The following PNLIPRP3 variants were observed in gnomAD, a reference collection of about 807,000 sequenced individuals.
The protein encoded by PNLIPRP3 is pancreatic lipase-related protein 3.
A neutral mutation model predicts 52.8 loss-of-function variants in PNLIPRP3; 58 were observed. That is an observed-to-expected ratio of 1.10 (90% CI 0.89 to 1.37). PNLIPRP3 has a LOEUF of 1.37. Ranked by LOEUF, PNLIPRP3 falls within the 40% of genes most tolerant of loss-of-function variation. The pLI is 0.00. For synonymous variants in PNLIPRP3, 192 were observed against 185.0 expected, an observed-to-expected ratio of 1.04 and a Z score of -0.31; for missense variants, 593 against 561.6, an observed-to-expected ratio of 1.06 and a Z score of -0.57.
intron 1 of PNLIPRP3, among the ~76,000 whole-genome samples, chr10:116,432,423 G>C (rs1845719484): frequency 6.6e-6 from 1 of 152,046 alleles, no homozygotes; most frequent in Admixed American, 6.6e-5. Flanking sequence ...GGGAAATAAA[G>C]CATTTCAACT....
chr10:116,462,434 T>A (rs1424668031), intron 7 of PNLIPRP3, among the ~76,000 whole-genome samples: 2 of 151,858 alleles, frequency 1.3e-5, no homozygotes, highest in Non-Finnish European at 2.9e-5. Context: ...TGCTCTTTCA[T>A]TTGGCTGTTG....
chr10:116,439,499 ATCC>A, intron 2 of PNLIPRP3: 1 of 742,652 alleles, frequency 1.3e-6, no homozygotes, highest in Non-Finnish European at 2.4e-6. Flanking sequence ...CGTCTTCTTC[ATCC>A]TCCTCTTCCA....
intron 5 of PNLIPRP3, among the ~76,000 whole-genome samples, chr10:116,458,140 G>A (rs775933301): frequency 2.6e-5 from 4 of 151,628 alleles, no homozygotes; most frequent in Non-Finnish European, 5.9e-5. Flanking sequence ...AATAAATATA[G>A]TTAGGGGGTT....
At chr10:116,428,135 A>G in intron 1 of PNLIPRP3, 74 bp downstream of exon 1, 1 of 1,087,432 alleles carries the variant, frequency 9.2e-7, no homozygotes, top group Non-Finnish European at 1.3e-6. Context: ...ATTGACATGA[A>G]CTTATTCTTT....
At position 116,443,279 on chromosome 10, in the gene PNLIPRP3, A is replaced by G. The variant is rs1045030155; in HGVS notation, c.324+105A>G. On this transcript the variant is annotated intron_variant, in intron 3 of 11. Coordinates refer to ENST00000369230, the MANE Select transcript of PNLIPRP3 (RefSeq NM_001011709.3). ...GTATATTCATGGAAATCTTCCATTC[A>G]GTTATCCACAATTATCCGTGTTCTG... 2.5e-5 allele frequency: 30 copies of G among 1,213,186 alleles called. 1 individual carries two copies. The highest frequency in any genetic ancestry group is 3.1e-5 in the Non-Finnish European group (28 of 908,576). 75.2% of individuals were successfully genotyped at this position (1,213,186 alleles called of 1,614,324 possible). A position where few individuals can be genotyped will look rare whatever the true frequency, so the allele number is the denominator to read the frequency against.
At chr10:116,442,621 T>G (rs2133119162) in intron 2 of PNLIPRP3, among the ~76,000 whole-genome samples, 1 of 152,238 alleles carries the variant, frequency 6.6e-6, no homozygotes, top group East Asian at 1.9e-4. Flanking sequence ...CCCAGCAACT[T>G]GGGAGGCTGA....
At chr10:116,455,636 T>TC in intron 4 of PNLIPRP3, 86 bp from the exon 5 acceptor site, 4 of 765,264 alleles carry the variant, frequency 5.2e-6, no homozygotes, top group Non-Finnish European at 7.8e-6. Flanking sequence ...ACCATGTTGA[T>TC]CCTTTTTTTT....
intron 1 of PNLIPRP3, among the ~76,000 whole-genome samples, chr10:116,431,022 T>C (rs1845702738): frequency 6.6e-6 from 1 of 152,202 alleles, no homozygotes; most frequent in Non-Finnish European, 1.5e-5. Flanking sequence ...TCACAATTAA[T>C]GGCCTTCCAG....
chr10:116,459,291 A>G (rs1184435010), intron 5 of PNLIPRP3, among the ~76,000 whole-genome samples: 1 of 151,892 alleles, frequency 6.6e-6, no homozygotes. Context: ...TAAAAAAAAA[A>G]AAAAACACAT....
At chr10:116,433,846 AAC>A (rs1358008577) in intron 1 of PNLIPRP3, among the ~76,000 whole-genome samples, 11 of 151,570 alleles carry the variant, frequency 7.3e-5, no homozygotes, top group Admixed American at 6.6e-4. Context: ...GCCAAAGGAT[AAC>A]ATGAGCAAGA....
At chr10:116,444,856 A>C (rs998217042) in intron 4 of PNLIPRP3, among the ~76,000 whole-genome samples, 1 of 152,210 alleles carries the variant, frequency 6.6e-6, no homozygotes, top group East Asian at 1.9e-4. Context: ...TCCTTCAAAT[A>C]TTATTTGTTT....
chr10:116,461,207 A>G lies in PNLIPRP3; in HGVS notation c.725A>G (p.Tyr242Cys). Reference protein sequence around the residue: ...TIDACGHLDFYPNGGKHMPGC... With the variant: ...TIDACGHLDFCPNGGKHMPGC... ...GATGCTTGTGGTCATCTTGACTTTT[A>G]CCCAAATGGAGGGAAGCACATGCCA... The change falls in exon 7 of 12, where the codon TAC becomes TGC. Residue 242 changes from tyrosine to cysteine, a missense_variant. Transcript: ENST00000369230. 6.2e-7 allele frequency: 1 copy of G among 1,613,968 alleles called. No homozygotes were observed.
Position 116,461,177 on chromosome 10 carries a change from C to T in PNLIPRP3, c.695C>T (p.Thr232Ile), listed in dbSNP as rs149530976. ...TTTTTATTTATTTCAGGTGTTGGAA[C>T]CATTGATGCTTGTGGTCATCTTGAC... is the stretch of plus-strand genomic sequence containing the variant. ...ARILFELGVGTIDACGHLDFY... is the reference protein window; with the variant it reads ...ARILFELGVGIIDACGHLDFY... Residue 232 changes from threonine (T) to isoleucine (I), a missense_variant, in exon 7 of 12, where the codon ACC (threonine) becomes ATC (isoleucine). Physicochemically the swap from Thr to Ile is moderately conservative, Grantham distance 89 (BLOSUM62 -1). Transcript: ENST00000369230. The T allele has an allele frequency of 9.9e-6, 16 of 1,614,004 alleles. No homozygotes were observed. The highest frequency in any genetic ancestry group is 1.3e-5 in the Non-Finnish European group (15 of 1,180,018).
chr10:116,472,323 G>A (rs1320589468), intron 10 of PNLIPRP3, among the ~76,000 whole-genome samples: 2 of 152,196 alleles, frequency 1.3e-5, no homozygotes, highest in African/African-American at 4.8e-5. Flanking sequence ...ATAGTCAGAG[G>A]TTAAAAATAA....
chr10:116,477,068 T>A, intron 11 of PNLIPRP3, 22 bp from the exon 12 acceptor site: 1 of 1,552,228 alleles, frequency 6.4e-7, no homozygotes, highest in Non-Finnish European at 8.8e-7. Context: ...AATTCCTTTT[T>A]TTTTTCCTTA....
At chr10:116,443,792 T>C (rs1180239947) in intron 3 of PNLIPRP3, among the ~76,000 whole-genome samples, 1 of 10,056 alleles carries the variant, frequency 9.9e-5, no homozygotes, top group South Asian at 0.015. Context: ...TGTGTATGTA[T>C]GTGTGTGTGC....
chr10:116,437,702 AG>A (rs1845796249), intron 2 of PNLIPRP3, among the ~76,000 whole-genome samples: 1 of 152,152 alleles, frequency 6.6e-6, no homozygotes, highest in South Asian at 2.1e-4. Flanking sequence ...AAGAGACTAG[AG>A]GTGACTATGA....
In PNLIPRP3 at chr10:116,443,832, T is replaced by C. The variant is rs1469703996; in HGVS notation, c.325-550T>C. ...ATATATATATATATATATATATATA[T>C]ATATATATATATGGGTTAGGACATA... is the stretch of plus-strand genomic sequence containing the variant. On this transcript the variant is annotated intron_variant, in intron 3 of 11. Transcript: ENST00000369230. Among the ~76,000 whole-genome samples the C allele has an allele frequency of 1.9e-3, 244 of 129,738 alleles. 2 individuals are homozygous for C. The highest frequency in any genetic ancestry group is 6.7e-3 in the African/African-American group (235 of 35,134). 85.1% of individuals were successfully genotyped at this position (129,738 alleles called of 152,430 possible).
In PNLIPRP3 at chr10:116,436,870, G is replaced by C; in HGVS notation, c.204+5G>C. On this transcript the variant is annotated splice_donor_5th_base_variant and intron_variant, in intron 2 of 11. Coordinates refer to ENST00000369230, the MANE Select transcript of PNLIPRP3 (RefSeq NM_001011709.3). ...CACAATCCCAATGCCTATCAGGTAAGCTAACTTGCAGCCTTCACACATGGA... is the reference window on the plus strand; with the variant it reads ...CACAATCCCAATGCCTATCAGGTAACCTAACTTGCAGCCTTCACACATGGA... 1 of 1,577,794 alleles carries C rather than the reference G, an allele frequency of 6.3e-7. No homozygotes were observed. The highest frequency in any genetic ancestry group is 8.6e-7 in the Non-Finnish European group (1 of 1,158,490).
Sources: allele counts gnomAD v4.1 joint callset (sites outside exome capture counted in the v4.1 genomes callset), GRCh38; gene constraint gnomAD v4.1.1; transcripts MANE v1.5; gene names NCBI Gene and HGNC (gene_info 2026-07-23, HGNC 2026-07-21).